The following PLCE1 variants were observed in gnomAD, a reference collection of about 807,000 sequenced individuals.
PLCE1 encodes the protein 1-phosphatidylinositol 4,5-bisphosphate phosphodiesterase epsilon-1.
A neutral mutation model predicts 242.8 loss-of-function variants in PLCE1; 119 were observed. That is an observed-to-expected ratio of 0.49 (90% CI 0.42 to 0.57). PLCE1 has a LOEUF of 0.57. Ranked by LOEUF, PLCE1 falls within the 20% of genes least tolerant of loss-of-function variation. PLCE1 has a pLI of 0.00. For missense variants in PLCE1, 2,441 were observed against 2,788.8 expected, an observed-to-expected ratio of 0.88 and a Z score of 2.81; for synonymous variants, 945 against 1,017.4, an observed-to-expected ratio of 0.93 and a Z score of 1.35.
chr10:94,198,828 A>T (rs757659880), intron 4 of PLCE1, among the ~76,000 whole-genome samples: 4 of 152,166 alleles, frequency 2.6e-5, no homozygotes, highest in Non-Finnish European at 4.4e-5. Context: ...TGGGAGTATC[A>T]CTTGAGCTCA....
At chr10:94,164,102 A>C (rs2047711953) in intron 3 of PLCE1, among the ~76,000 whole-genome samples, 1 of 151,986 alleles carries the variant, frequency 6.6e-6, no homozygotes, top group Non-Finnish European at 1.5e-5. Context: ...CTTCATTTCA[A>C]CTTTGGTGAA....
chr10:94,108,056 C>T (rs750087057), intron 2 of PLCE1, among the ~76,000 whole-genome samples: 1 of 152,188 alleles, frequency 6.6e-6, no homozygotes, highest in Admixed American at 6.5e-5. Flanking sequence ...AATTCCATAG[C>T]ACAAGCTAGA....
intron 1 of PLCE1, among the ~76,000 whole-genome samples, chr10:94,025,734 T>C (rs1408011341): frequency 6.6e-6 from 1 of 152,176 alleles, no homozygotes; most frequent in Non-Finnish European, 1.5e-5. Context: ...GTCTTAGTCC[T>C]GATCCTCCCT....
rs1159663332 is a variant in PLCE1 at position 94,306,367 on chromosome 10, G to A, written c.5623-60G>A. On this transcript the variant is annotated intron_variant, in intron 25 of 32. Coordinates refer to ENST00000371380, the MANE Select transcript of PLCE1 (RefSeq NM_016341.4). This position sits in a 1 kb window ranked among gnomAD's most constrained non-coding sequence, Gnocchi z 5.7. ...TTGCAGAGGGAAGCAGTGAGGTGCA[G>A]AGGTTGTCTTTCTTTTTTATCCTCG... 1.2e-6 allele frequency: 2 copies of A among 1,613,730 alleles called. No homozygotes were observed. The highest frequency in any genetic ancestry group is 1.7e-6 in the Non-Finnish European group (2 of 1,179,836).
chr10:94,308,190 A>G (rs10509670), intron 26 of PLCE1, among the ~76,000 whole-genome samples: 45,240 of 152,132 alleles, frequency 0.3, 6,776 homozygotes, highest in Middle Eastern at 0.48. Flanking sequence ...CAGTCATACC[A>G]TAAATTATAA....
At chr10:94,323,839 C>A (rs891961073) in intron 30 of PLCE1, among the ~76,000 whole-genome samples, 1 of 152,166 alleles carries the variant, frequency 6.6e-6, no homozygotes, top group Admixed American at 6.5e-5. Flanking sequence ...AATGAATTAA[C>A]AAATGCATCA....
intron 7 of PLCE1, among the ~76,000 whole-genome samples, chr10:94,236,862 C>T (rs970442201): frequency 3.9e-5 from 6 of 152,154 alleles, no homozygotes; most frequent in African/African-American, 1.2e-4. Flanking sequence ...CTCCCTCTCT[C>T]TCTCTCTCGG....
chr10:94,166,712 C>G (rs1394770275), intron 3 of PLCE1, among the ~76,000 whole-genome samples: 2 of 152,056 alleles, frequency 1.3e-5, no homozygotes, highest in Non-Finnish European at 2.9e-5. Flanking sequence ...AGCCCTGTCT[C>G]TCAATAGCAG....
chr10:94,281,657 A>G (rs1406365112), intron 20 of PLCE1, among the ~76,000 whole-genome samples: 2 of 152,138 alleles, frequency 1.3e-5, no homozygotes, highest in Non-Finnish European at 1.5e-5. Flanking sequence ...TATGTAATCA[A>G]AAGTTCTGCG....
At chr10:94,013,838 A>G (rs185001439) in intron 1 of PLCE1, among the ~76,000 whole-genome samples, 5 of 152,342 alleles carry the variant, frequency 3.3e-5, no homozygotes, top group African/African-American at 1.2e-4. Flanking sequence ...CGAAATCGGA[A>G]TGGCCTGAAG....
At chr10:94,273,465 A>G (rs1031610997) in intron 18 of PLCE1, 97 bp from the exon 19 acceptor site, 4 of 1,183,950 alleles carry the variant, frequency 3.4e-6, no homozygotes, top group South Asian at 1.3e-5. Context: ...AAATAATTCA[A>G]CCAGTCTAAA....
intron 4 of PLCE1, among the ~76,000 whole-genome samples, chr10:94,171,781 TCCAACCCCTTCCTCTCCCCTA>T (rs1038689452): frequency 6.6e-6 from 1 of 152,046 alleles, no homozygotes; most frequent in Non-Finnish European, 1.5e-5. Context: ...AATGCCAATC[TCCAACCCCTTCCTCTCCCCTA>T]CCAACCCCTC....
chr10:94,057,686 G>A (rs2043944836), intron 2 of PLCE1, among the ~76,000 whole-genome samples: 2 of 152,138 alleles, frequency 1.3e-5, no homozygotes, highest in South Asian at 4.1e-4. Context: ...TTCTATTGCT[G>A]CATAACAAAT....
chr10:94,158,996 T>C (rs1048589562), intron 3 of PLCE1, among the ~76,000 whole-genome samples: 7 of 148,382 alleles, frequency 4.7e-5, no homozygotes, highest in Non-Finnish European at 7.4e-5. Flanking sequence ...ATTTTCTTCT[T>C]TATACTTCTT....
chr10:94,048,773 A>G lies in PLCE1; in HGVS notation c.1206+16521A>G, dbSNP rs182735336. On this transcript the variant is annotated intron_variant, in intron 2 of 32. Transcript: ENST00000371380. Reference sequence around the variant, plus strand: ...CATATATATAGAGAGAGAGAGAGGGAGAGAGAGGGAGAGAGACAGAGTCTT... The same window carrying G: ...CATATATATAGAGAGAGAGAGAGGGGGAGAGAGGGAGAGAGACAGAGTCTT... Among the ~76,000 whole-genome samples the G allele has an allele frequency of 3.4e-3, 509 of 150,286 alleles. 2 individuals are homozygous for G. The highest frequency in any genetic ancestry group is 3.8e-3 in the Admixed American group (57 of 15,030).
intron 24 of PLCE1, among the ~76,000 whole-genome samples, chr10:94,300,442 A>G (rs1209209231): frequency 6.6e-6 from 1 of 152,222 alleles, no homozygotes; most frequent in Non-Finnish European, 1.5e-5. Flanking sequence ...GTTTCTCTGC[A>G]TAATCTTCCA....
chr10:94,005,760 C>T (rs1474183488), intron 1 of PLCE1, among the ~76,000 whole-genome samples: 3 of 152,186 alleles, frequency 2.0e-5, no homozygotes, highest in Non-Finnish European at 4.4e-5. Context: ...CTTGCTGAGA[C>T]CAAAACCCTC....
chr10:94,071,034 C>A (rs192230883), intron 2 of PLCE1, among the ~76,000 whole-genome samples: 1 of 152,302 alleles, frequency 6.6e-6, no homozygotes, highest in Admixed American at 6.5e-5. Context: ...AGAGCTTCCC[C>A]TTTCACAGAA....
chr10:94,242,349 G>A (rs955935773), intron 7 of PLCE1, among the ~76,000 whole-genome samples: 3 of 151,806 alleles, frequency 2.0e-5, no homozygotes, highest in African/African-American at 7.3e-5. Context: ...TGTTGCCCAG[G>A]CTGGAATGCA....
Sources: allele counts gnomAD v4.1 joint callset (sites outside exome capture counted in the v4.1 genomes callset), GRCh38; gene constraint gnomAD v4.1.1; non-coding constraint Gnocchi (gnomAD v3.1); transcripts MANE v1.5; gene names NCBI Gene and HGNC (gene_info 2026-07-23, HGNC 2026-07-21).